RXFP1: variants seen among roughly 807,000 people sequenced by gnomAD.
RXFP1 encodes the protein relaxin family peptide receptor 1, also known as relaxin receptor 1.
Under a neutral mutation model 89.8 loss-of-function variants are expected in RXFP1, and 73 were observed. The ratio of observed to expected loss-of-function variants is 0.81; its 90% CI spans 0.67 to 0.99. The LOEUF (loss-of-function observed/expected upper bound fraction) is 0.99. Ranked by LOEUF, RXFP1 falls within the 50% of genes least tolerant of loss-of-function variation. The probability of loss-of-function intolerance (pLI) is 0.00; values close to 1 mark genes in which losing one functional copy is unlikely to be tolerated. For synonymous variants in RXFP1, 277 were observed against 305.5 expected (o/e 0.91, Z 0.97); for missense variants, 793 against 895.5 (o/e 0.89, Z 1.46).
At chr4:158,599,292 T>C in intron 3 of RXFP1, 34 bp from the exon 4 acceptor site, 1 of 1,613,286 alleles carries the variant, frequency 6.2e-7, no homozygotes, top group Non-Finnish European at 8.5e-7. Context: ...GGTCCCTCAC[T>C]GTCATCATGC....
At chr4:158,558,692 G>A (rs558364967) in intron 1 of RXFP1, among the ~76,000 whole-genome samples, 1 of 152,234 alleles carries the variant, frequency 6.6e-6, no homozygotes, top group South Asian at 2.1e-4. Flanking sequence ...ACTTAACATA[G>A]ATTTTGAAGG....
chr4:158,565,672 A>C (rs1172849356), intron 1 of RXFP1, among the ~76,000 whole-genome samples: 2 of 152,240 alleles, frequency 1.3e-5, no homozygotes, highest in Admixed American at 1.3e-4. Context: ...CAACTTGCAC[A>C]TCAGAATACA....
intron 17 of RXFP1, among the ~76,000 whole-genome samples, chr4:158,649,329 A>G (rs562419699): frequency 1.3e-5 from 2 of 152,390 alleles, no homozygotes; most frequent in Non-Finnish European, 2.9e-5. Context: ...AGGCCAAAAC[A>G]ATTCTTAAAT....
At chr4:158,550,101 C>T (rs191606749) in intron 1 of RXFP1, among the ~76,000 whole-genome samples, 5,599 of 152,314 alleles carry the variant, frequency 0.037, 338 homozygotes, top group African/African-American at 0.13. Context: ...GGGCTCCACC[C>T]AGTTCAAGCT....
intron 1 of RXFP1, among the ~76,000 whole-genome samples, chr4:158,529,416 G>A (rs948314937): frequency 2.6e-5 from 4 of 151,766 alleles, no homozygotes; most frequent in Non-Finnish European, 5.9e-5. Flanking sequence ...ATGCCACCAC[G>A]CCCGGCTAAT....
rs1746164960 is a variant in RXFP1 at position 158,539,822 on chromosome 4, T to C, written c.49+17797T>C. Among the ~76,000 whole-genome samples, 4 of 152,180 alleles carry C rather than the reference T, an allele frequency of 2.6e-5. No homozygotes were observed. The South Asian group carries it at 8.3e-4, about 32-fold the overall frequency. ...CCTTGTCTCAGACTCTAACAGCCTCTAAATGCCTTTGAAATTGTCCTTTTG... is the reference window on the plus strand; with the variant it reads ...CCTTGTCTCAGACTCTAACAGCCTCCAAATGCCTTTGAAATTGTCCTTTTG... On this transcript the variant is annotated intron_variant, in intron 1 of 17. Transcript: ENST00000307765.
At position 158,540,604 on chromosome 4, in the gene RXFP1, G is replaced by C. The variant is rs535771313; in HGVS notation, c.49+18579G>C. Among the ~76,000 whole-genome samples the C allele has an allele frequency of 3.3e-5, 5 of 149,626 alleles. No individual in the cohort carries two copies. In the South Asian group the frequency reaches 1.1e-3, roughly 32 times the overall value. ...TGTGACTAAGAATGCCTAACCTCCT[G>C]GGAATGCAGCCTACTAGATCTCCAC... is the stretch of plus-strand genomic sequence containing the variant. On this transcript the variant is annotated intron_variant, in intron 1 of 17. Coordinates refer to ENST00000307765, the MANE Select transcript of RXFP1 (RefSeq NM_021634.4).
At chr4:158,584,982 G>T (rs1250129751) in intron 2 of RXFP1, among the ~76,000 whole-genome samples, 1 of 152,138 alleles carries the variant, frequency 6.6e-6, no homozygotes, top group Admixed American at 6.6e-5. Flanking sequence ...ATAGATTGCT[G>T]GGCTCTCAGG....
rs565057504 is a variant in RXFP1, at chr4:158,639,603, C to T, written c.1115+272C>T. Reference sequence around the variant, plus strand: ...AACAGACTCTGGTCCAGGCCAGTGGCTCATGCCTGTAATCCCAGCACTTTG... The same window carrying T: ...AACAGACTCTGGTCCAGGCCAGTGGTTCATGCCTGTAATCCCAGCACTTTG... On this transcript the variant is annotated intron_variant, in intron 14 of 17. Coordinates refer to ENST00000307765, the MANE Select transcript of RXFP1 (RefSeq NM_021634.4). Among the ~76,000 whole-genome samples the T allele has an allele frequency of 1.1e-4, 16 of 152,300 alleles. No individual in the cohort carries two copies. The South Asian group carries it at 3.1e-3, about 30-fold the overall frequency.
intron 1 of RXFP1, among the ~76,000 whole-genome samples, chr4:158,563,850 C>A (rs1044111765): frequency 2.0e-5 from 3 of 147,600 alleles, no homozygotes; most frequent in Non-Finnish European, 4.5e-5. Context: ...AATGTTATAA[C>A]ATTATATTAT....
chr4:158,564,353 CTG>C (rs1457862950), intron 1 of RXFP1, among the ~76,000 whole-genome samples: 1 of 152,138 alleles, frequency 6.6e-6, no homozygotes, highest in Non-Finnish European at 1.5e-5. Context: ...AAACACCTAC[CTG>C]TGGTTATACA....
intron 2 of RXFP1, among the ~76,000 whole-genome samples, chr4:158,587,149 T>C (rs529856311): frequency 3.8e-4 from 58 of 152,286 alleles, no homozygotes; most frequent in Non-Finnish European, 6.8e-4. Flanking sequence ...ATGAACGTGG[T>C]GCACAGAGTG....
intron 1 of RXFP1, among the ~76,000 whole-genome samples, chr4:158,550,803 A>T (rs1244225933): frequency 6.6e-6 from 1 of 152,182 alleles, no homozygotes; most frequent in Non-Finnish European, 1.5e-5. Flanking sequence ...TCCCATTTCC[A>T]CCACTTACTG....
chr4:158,549,927 A>G (rs1292779232), intron 1 of RXFP1, among the ~76,000 whole-genome samples: 1 of 152,180 alleles, frequency 6.6e-6, no homozygotes, highest in Admixed American at 6.5e-5. Flanking sequence ...CAGTCTGCCC[A>G]TTCTCAGATC....
chr4:158,651,208 A>G (rs1429853586), intron 17 of RXFP1, among the ~76,000 whole-genome samples: 4 of 152,184 alleles, frequency 2.6e-5, no homozygotes, highest in Admixed American at 2.0e-4. Context: ...TTCTATATAT[A>G]TTAGAGTGAT....
At chr4:158,627,504 G>GGGGT (rs1165448985) in intron 10 of RXFP1, among the ~76,000 whole-genome samples, 11 of 143,358 alleles carry the variant, frequency 7.7e-5, no homozygotes, top group African/African-American at 2.8e-4. Context: ...TGAGCCTTAG[G>GGGGT]GTGTGTGTGT....
chr4:158,547,222 C>T (rs1341088814), intron 1 of RXFP1, among the ~76,000 whole-genome samples: 1 of 152,074 alleles, frequency 6.6e-6, no homozygotes, highest in Non-Finnish European at 1.5e-5. Context: ...TCTAGATTTT[C>T]TAGTTTATTT....
chr4:158,647,262 G>T, intron 16 of RXFP1, 61 bp downstream of exon 16: 4 of 1,358,282 alleles, frequency 2.9e-6, no homozygotes, highest in Non-Finnish European at 4.0e-6. Context: ...ACCAGTTTTT[G>T]TTAGTAAGAA....
intron 8 of RXFP1, 117 bp from the exon 9 acceptor site, chr4:158,617,014 A>G: frequency 2.9e-6 from 2 of 694,312 alleles, no homozygotes; most frequent in East Asian, 5.9e-5. Flanking sequence ...ATTAGAAGGA[A>G]AAAACAACTA....
Sources: gnomAD v4.1 joint callset for allele counts (sites outside exome capture counted in the v4.1 genomes callset) on GRCh38, gnomAD v4.1.1 for gene constraint, MANE v1.5 for transcripts, NCBI Gene and HGNC (gene_info 2026-07-23, HGNC 2026-07-21) for gene names.